Variants in BRF1 observed in about 807,000 individuals in gnomAD.
BRF1 encodes the protein BRF1 general transcription factor IIIB subunit, also known as transcription factor IIIB 90 kDa subunit.
In BRF1, 59 loss-of-function variants were observed where a neutral mutation model predicts 81.7. The ratio of observed to expected loss-of-function variants is 0.72; its 90% CI spans 0.59 to 0.90. The LOEUF is 0.90. Ranked by LOEUF, BRF1 falls within the 40% of genes least tolerant of loss-of-function variation. BRF1 has a pLI of 0.00. For missense variants in BRF1, 1,050 were observed against 936.3 expected (o/e 1.12, Z -1.58); for synonymous variants, 491 against 395.6 (o/e 1.24, Z -2.86).
chr14:105,248,652 G>C (rs2055331739), intron 5 of BRF1: 9 of 980,770 alleles, frequency 9.2e-6, no homozygotes, highest in Middle Eastern at 5.2e-4. Context: ...CAGGGTCGCA[G>C]GGGCGGGGGT....
At chr14:105,241,685 T>C (rs2054661233) in intron 5 of BRF1, 1 of 517,966 alleles carries the variant, frequency 1.9e-6, no homozygotes, top group East Asian at 3.4e-5. Context: ...ATGGCCGCCC[T>C]GCTCAGGACA....
At chr14:105,223,174 C>CA (rs1340099950) in intron 10 of BRF1, among the ~76,000 whole-genome samples, 3 of 152,178 alleles carry the variant, frequency 2.0e-5, no homozygotes, top group Admixed American at 6.5e-5. Context: ...CTCTGGGTGA[C>CA]AGAGTAAGAC....
rs2058309366 is a variant in BRF1 at position 105,310,152 on chromosome 14, TC to T, written c.-162+5169del. On this transcript the variant is annotated intron_variant, in intron 1 of 17. Coordinates refer to the BRF1 transcript ENST00000327359. The stretch of plus-strand genomic sequence containing the variant: ...ACTGTCTCACTTATTCTTTTGTGAA[TC>T]TTTTGTAGCTTCTCTAACCATTTTC... Among the ~76,000 whole-genome samples, 5 of 152,130 alleles carry T rather than the reference TC, an allele frequency of 3.3e-5. No homozygotes were observed. The South Asian group carries it at 1.0e-3, about 31-fold the overall frequency.
At chr14:105,249,416 G>A (rs2055436469) in intron 5 of BRF1, 6 of 1,613,582 alleles carry the variant, frequency 3.7e-6, no homozygotes, top group Non-Finnish European at 4.2e-6. Flanking sequence ...GAGACCTGGC[G>A]GAAGTCAAAT....
intron 1 of BRF1, among the ~76,000 whole-genome samples, chr14:105,307,455 C>T (rs1323801352): frequency 1.3e-5 from 2 of 152,220 alleles, no homozygotes; most frequent in Non-Finnish European, 2.9e-5. Flanking sequence ...CCCTTCACCC[C>T]CTCCCTGTCC....
chr14:105,214,697 C>G (rs897620152), intron 15 of BRF1, among the ~76,000 whole-genome samples: 1 of 152,196 alleles, frequency 6.6e-6, no homozygotes, highest in Non-Finnish European at 1.5e-5. Flanking sequence ...CTGGTTCCCC[C>G]ACAGCAAGGA....
chr14:105,212,940 T>C (rs1890374061), intron 15 of BRF1: 1 of 152,160 alleles, frequency 6.6e-6, no homozygotes, highest in African/African-American at 2.4e-5. Context: ...GCAGAACATC[T>C]AGACGTGGAG....
At chr14:105,254,479 G>C (rs868015141) in intron 4 of BRF1, among the ~76,000 whole-genome samples, 42 of 152,096 alleles carry the variant, frequency 2.8e-4, no homozygotes, top group African/African-American at 9.4e-4. Flanking sequence ...GGATGGTCTC[G>C]ATCTCCAGAC....
Position 105,219,172 on chromosome 14 carries a change from C to T in BRF1, c.1438G>A (p.Glu480Lys), listed in dbSNP as rs1335183362. Residue 480 changes from glutamate to lysine, a missense_variant, in exon 13 of 18, where the codon GAG (glutamate) becomes AAG (lysine). Glu to Lys is a moderately conservative substitution (Grantham distance 56). This residue lies in a region of BRF1 where 1,043 missense variants were observed against 915.4 expected (regional missense o/e 1.14). Coordinates refer to ENST00000547530, the MANE Select transcript of BRF1 (RefSeq NM_001519.4). Reference sequence around the variant, plus strand: ...TTACCCCTCTGTTCCCGCAGGTACTCGGCGTTCTCCCTCATCCACAGCTCG... The same window carrying T: ...TTACCCCTCTGTTCCCGCAGGTACTTGGCGTTCTCCCTCATCCACAGCTCG... The part of the protein sequence containing the change: ...KAELWMRENA[E>K]YLREQREKEA... 3.1e-6 allele frequency: 5 copies of T among 1,612,368 alleles called. No homozygotes were observed. The highest frequency in any genetic ancestry group is 1.3e-5 in the African/African-American group (1 of 75,038).
At chr14:105,283,468 C>T (rs982202969) in intron 2 of BRF1, among the ~76,000 whole-genome samples, 9 of 152,330 alleles carry the variant, frequency 5.9e-5, no homozygotes, top group East Asian at 1.9e-4. Flanking sequence ...GTGGGGGCCC[C>T]GCAGCTTCCC....
chr14:105,279,905 C>A (rs150773007), intron 2 of BRF1, among the ~76,000 whole-genome samples: 1 of 152,212 alleles, frequency 6.6e-6, no homozygotes, highest in Non-Finnish European at 1.5e-5. Flanking sequence ...CAAAACAGCA[C>A]GTTCTAGAAC....
chr14:105,310,924 C>T (rs2058336449), intron 1 of BRF1, among the ~76,000 whole-genome samples: 1 of 152,152 alleles, frequency 6.6e-6, no homozygotes, highest in Non-Finnish European at 1.5e-5. Context: ...CATGTAAATA[C>T]ATACTGCACA....
At chr14:105,313,370 T>A (rs1419109620) in intron 1 of BRF1, among the ~76,000 whole-genome samples, 2 of 152,126 alleles carry the variant, frequency 1.3e-5, no homozygotes, top group Admixed American at 6.5e-5. Flanking sequence ...AGGTATGAGA[T>A]CCACCGGCCC....
chr14:105,248,181 G>C, intron 5 of BRF1: 8 of 985,484 alleles, frequency 8.1e-6, no homozygotes, highest in Non-Finnish European at 9.6e-6. Context: ...GCTGGCTGCT[G>C]GCGTCCGTAG....
chr14:105,249,719 C>T (rs2055470789), intron 5 of BRF1: 17 of 1,613,874 alleles, frequency 1.1e-5, no homozygotes, highest in Non-Finnish European at 1.2e-5. Flanking sequence ...GTACATCGTC[C>T]CAGCATTGGC....
chr14:105,300,595 G>A lies in BRF1; in HGVS notation c.35C>T (p.Thr12Met), dbSNP rs746223336. 2.8e-4 allele frequency: 403 copies of A among 1,454,744 alleles called. 2 individuals are homozygous for A. The Middle Eastern group carries it at 3.8e-3, about 14-fold the overall frequency. The allele number at this position is 1,454,744 out of a possible 1,614,324, so 90.1% of individuals were successfully genotyped here. The change falls in exon 1 of 18, where the codon ACG becomes ATG. Residue 12 changes from threonine (T) to methionine (M), a missense_variant. By Grantham distance (81) the Thr-to-Met change is moderately conservative. Coordinates refer to ENST00000547530, the MANE Select transcript of BRF1 (RefSeq NM_001519.4). ...GCGCGCCGCGTCCAGCTCGATGTCC[G>A]TGCCGCCGCAACCGCGGCACACGCG... Reference protein sequence around the residue: ...TGRVCRGCGGTDIELDAARGD... With the variant: ...TGRVCRGCGGMDIELDAARGD...
intron 15 of BRF1, among the ~76,000 whole-genome samples, chr14:105,214,938 G>A (rs888848912): frequency 3.9e-5 from 6 of 152,200 alleles, no homozygotes; most frequent in African/African-American, 1.4e-4. Flanking sequence ...ACCGGGACAA[G>A]CCCTTCTGTC....
intron 8 of BRF1, 138 bp from the exon 9 acceptor site, chr14:105,226,428 C>G (rs148937008): frequency 2.8e-6 from 4 of 1,443,718 alleles, no homozygotes; most frequent in Non-Finnish European, 3.8e-6. Flanking sequence ...GAGCTATGGG[C>G]CTGTGTCCCC....
intron 3 of BRF1, among the ~76,000 whole-genome samples, chr14:105,259,003 G>A (rs920577928): frequency 2.6e-5 from 4 of 152,216 alleles, no homozygotes; most frequent in African/African-American, 9.7e-5. Flanking sequence ...CGGCGAGGAT[G>A]TGGGGCAAGC....
Sources: allele counts gnomAD v4.1 joint callset (sites outside exome capture counted in the v4.1 genomes callset), GRCh38; gene constraint gnomAD v4.1.1; regional missense constraint gnomAD v4.1.1; transcripts MANE v1.5; gene names NCBI Gene and HGNC (gene_info 2026-07-23, HGNC 2026-07-21).